ROBO1: variants seen among roughly 807,000 people sequenced by gnomAD.
ROBO1 encodes roundabout guidance receptor 1.
ROBO1 carries 149 observed loss-of-function variants against 195.9 expected under a neutral mutation model. That is an observed-to-expected ratio of 0.76 (90% CI 0.67 to 0.87). ROBO1 has a LOEUF of 0.87. Ranked by LOEUF, ROBO1 falls within the 40% of genes least tolerant of loss-of-function variation. The pLI is 0.00. For synonymous variants in ROBO1, 816 were observed against 733.2 expected (o/e 1.11, Z -1.82); for missense variants, 1,933 against 2,068.3 (o/e 0.93, Z 1.27).
chr3:78,635,796 AC>A lies in ROBO1; in HGVS notation c.3349del (p.Val1117TrpfsTer6). ...QEVAPVQYNI[V>X]EQNKLNKDYR... Reference sequence around the variant, plus strand: ...ACCTTTGTTCAGCTTGTTTTGCTCCACGATGTTGTACTGAACTGGTGCCACT... The same window carrying A: ...ACCTTTGTTCAGCTTGTTTTGCTCCAGATGTTGTACTGAACTGGTGCCACT... On this transcript the variant is annotated frameshift_variant, in exon 23 of 31. Transcript: ENST00000464233. LOFTEE classifies it high-confidence loss of function. 6.2e-7 allele frequency: 1 copy of A among 1,613,752 alleles called. No homozygotes were observed. Among genetic ancestry groups the A allele is most frequent in the Non-Finnish European group, 8.5e-7 (1 of 1,179,756 alleles).
chr3:79,621,523 A>T (rs2107979264), intron 1 of ROBO1, among the ~76,000 whole-genome samples: 1 of 152,320 alleles, frequency 6.6e-6, no homozygotes, highest in East Asian at 1.9e-4. Flanking sequence ...AGAAGCATCA[A>T]ATCACCTATA....
intron 1 of ROBO1, among the ~76,000 whole-genome samples, chr3:79,725,346 C>T (rs1334664913): frequency 6.6e-6 from 1 of 150,716 alleles, no homozygotes; most frequent in African/African-American, 2.4e-5. Flanking sequence ...CCTGCCTCAG[C>T]CTCCCGAGTA....
intron 1 of ROBO1, among the ~76,000 whole-genome samples, chr3:79,606,005 TATA>T (rs1226724509): frequency 6.7e-6 from 1 of 150,210 alleles, no homozygotes; most frequent in African/African-American, 2.5e-5. Flanking sequence ...TATATATATA[TATA>T]TACCCATTTA....
chr3:78,839,230 T>A (rs1034875697), intron 4 of ROBO1, among the ~76,000 whole-genome samples: 10 of 152,116 alleles, frequency 6.6e-5, no homozygotes, highest in African/African-American at 2.4e-4. Context: ...CACCTGATCC[T>A]AAGTTATTTT....
chr3:78,800,220 A>C (rs924302437), intron 4 of ROBO1, among the ~76,000 whole-genome samples: 6 of 152,138 alleles, frequency 3.9e-5, no homozygotes, highest in Non-Finnish European at 7.4e-5. Flanking sequence ...TTGGGGGATA[A>C]AAGTAGATTT....
At chr3:79,315,181 C>T (rs1436542419) in intron 2 of ROBO1, among the ~76,000 whole-genome samples, 1 of 152,130 alleles carries the variant, frequency 6.6e-6, no homozygotes, top group Non-Finnish European at 1.5e-5. Context: ...GTGACTCATA[C>T]CTGTAATCCC....
intron 2 of ROBO1, among the ~76,000 whole-genome samples, chr3:79,385,433 A>G (rs1171917743): frequency 6.6e-6 from 1 of 152,084 alleles, no homozygotes; most frequent in African/African-American, 2.4e-5. Flanking sequence ...AACTCTTGCT[A>G]AACAGGATTT....
intron 2 of ROBO1, among the ~76,000 whole-genome samples, chr3:79,296,564 G>A (rs1037138029): frequency 2.0e-5 from 3 of 152,114 alleles, no homozygotes; most frequent in Admixed American, 2.0e-4. Context: ...TCATGAACAG[G>A]TTTTGTGGGA....
chr3:78,981,538 T>A (rs1335974087), intron 3 of ROBO1, among the ~76,000 whole-genome samples: 1 of 152,188 alleles, frequency 6.6e-6, no homozygotes. Flanking sequence ...TTCACATTAC[T>A]GAGAAACAGA....
At chr3:79,653,086 A>G (rs1946059198) in intron 1 of ROBO1, among the ~76,000 whole-genome samples, 1 of 151,864 alleles carries the variant, frequency 6.6e-6, no homozygotes, top group Non-Finnish European at 1.5e-5. Context: ...ATTATTAATT[A>G]ATAATTTTGA....
intron 4 of ROBO1, among the ~76,000 whole-genome samples, chr3:78,878,224 C>T (rs1277969434): frequency 6.6e-6 from 1 of 152,144 alleles, no homozygotes; most frequent in East Asian, 1.9e-4. Context: ...ACCCAAACCT[C>T]AGCAAAACTC....
intron 3 of ROBO1, among the ~76,000 whole-genome samples, chr3:79,122,348 C>T (rs1009373492): frequency 1.3e-5 from 2 of 151,976 alleles, no homozygotes. Flanking sequence ...GTGTTGCATT[C>T]ATTGATTTGT....
intron 18 of ROBO1, among the ~76,000 whole-genome samples, chr3:78,655,587 G>A (rs1207823823): frequency 6.6e-6 from 1 of 152,158 alleles, no homozygotes; most frequent in African/African-American, 2.4e-5. Context: ...AATTCTGCAA[G>A]TGTATCTATT....
intron 2 of ROBO1, among the ~76,000 whole-genome samples, chr3:79,482,730 A>C (rs1207794466): frequency 6.6e-6 from 1 of 152,210 alleles, no homozygotes; most frequent in Non-Finnish European, 1.5e-5. Context: ...TGGGTAAGCA[A>C]ATGCTAAAAA....
intron 3 of ROBO1, among the ~76,000 whole-genome samples, chr3:79,089,941 T>TTTC (rs1553680600): frequency 5.9e-5 from 1 of 16,918 alleles, no homozygotes; most frequent in African/African-American, 9.0e-5. Context: ...TATTCTTTCT[T>TTTC]TTTTTTTTTT....
chr3:78,781,268 C>T (rs2108482909), intron 4 of ROBO1, among the ~76,000 whole-genome samples: 2 of 152,254 alleles, frequency 1.3e-5, no homozygotes, highest in East Asian at 1.9e-4. Context: ...ACACAATTTT[C>T]TCTCAAATTA....
At chr3:79,678,271 G>A (rs914017998) in intron 1 of ROBO1, among the ~76,000 whole-genome samples, 1 of 151,492 alleles carries the variant, frequency 6.6e-6, no homozygotes, top group Non-Finnish European at 1.5e-5. Flanking sequence ...ATGAGGAGCA[G>A]ATTAGTTAAT....
At chr3:79,211,663 G>A (rs917523906) in intron 2 of ROBO1, among the ~76,000 whole-genome samples, 2 of 152,164 alleles carry the variant, frequency 1.3e-5, no homozygotes, top group Non-Finnish European at 2.9e-5. Flanking sequence ...GAGATAGGAG[G>A]ACAGTTTTGA....
chr3:78,605,500 T>C (rs1357410306), intron 29 of ROBO1, among the ~76,000 whole-genome samples: 1 of 152,226 alleles, frequency 6.6e-6, no homozygotes, highest in Non-Finnish European at 1.5e-5. Flanking sequence ...GGTTTTGTTT[T>C]CTTCCTGGAT....
Sources: allele counts gnomAD v4.1 joint callset (sites outside exome capture counted in the v4.1 genomes callset), GRCh38; gene constraint gnomAD v4.1.1; transcripts MANE v1.5; gene names NCBI Gene and HGNC (gene_info 2026-07-23, HGNC 2026-07-21).